DMD: variants seen among roughly 807,000 people sequenced by gnomAD.
DMD encodes the protein mutant dystrophin.
In DMD, 63 loss-of-function variants were observed where a neutral mutation model predicts 330.1. The ratio of observed to expected loss-of-function variants is 0.19; its 90% CI spans 0.16 to 0.24. The LOEUF is 0.24. DMD is among the 10% of genes least tolerant of loss of function. The pLI is 1.00. For missense variants in DMD, 3,344 were observed against 2,684.1 expected, an observed-to-expected ratio of 1.25 and a Z score of -5.43; for synonymous variants, 1,223 against 959.8, an observed-to-expected ratio of 1.27 and a Z score of -5.07.
At chrX:32,930,562 C>T (rs1010996260) in intron 2 of DMD, among the ~76,000 whole-genome samples, 2 of 110,521 alleles carry the variant, frequency 1.8e-5, no homozygotes, top group Non-Finnish European at 3.8e-5. Flanking sequence ...ACCTGCTTTT[C>T]TAGCCCTATT....
In DMD at chrX:32,842,148, T is replaced by G. The variant is rs140977326; in HGVS notation, c.264+2635A>C. Among the ~76,000 whole-genome samples, 6 of 111,901 alleles carry G rather than the reference T, an allele frequency of 5.4e-5. No homozygotes were observed. The East Asian group carries it at 1.7e-3, about 32-fold the overall frequency. On this transcript the variant is annotated intron_variant, in intron 4 of 78. Transcript: ENST00000357033. ...AAATGAGCAGGCAAGGGAGCCCCAT[T>G]GAGAAAAGAAGTCCTGAAGATGCTG...
intron 1 of DMD, among the ~76,000 whole-genome samples, chrX:33,117,058 G>A (rs2095390532): frequency 1.2e-5 from 1 of 86,505 alleles, no homozygotes; most frequent in African/African-American, 4.4e-5. Context: ...ATTTCACCAG[G>A]CCACATTATA....
chrX:32,896,575 A>T (rs1045144727), intron 2 of DMD, among the ~76,000 whole-genome samples: 4 of 111,949 alleles, frequency 3.6e-5, no homozygotes, highest in African/African-American at 1.3e-4. Context: ...CTATTTTTAA[A>T]GCAGTGGTAA....
At chrX:31,806,119 C>T (rs183139595) in intron 50 of DMD, among the ~76,000 whole-genome samples, 125 of 112,390 alleles carry the variant, frequency 1.1e-3, no homozygotes, top group South Asian at 4.4e-3. Context: ...ATTGGCAAAA[C>T]TTCGACCAAA....
At chrX:31,773,809 C>A in intron 51 of DMD, 151 bp downstream of exon 51, 8 of 288,010 alleles carry the variant, frequency 2.8e-5, no homozygotes, top group East Asian at 1.0e-4. Context: ...CTTGATTATA[C>A]TTAGGCTGAA....
chrX:31,386,858 T>C (rs773160750), intron 60 of DMD, among the ~76,000 whole-genome samples: 3 of 111,878 alleles, frequency 2.7e-5, no homozygotes, highest in Non-Finnish European at 5.6e-5. Context: ...TCTAGACACA[T>C]ATACTCAGGT....
chrX:32,258,803 A>C (rs1221227913), intron 43 of DMD, among the ~76,000 whole-genome samples: 3 of 111,273 alleles, frequency 2.7e-5, no homozygotes, highest in African/African-American at 9.8e-5. Flanking sequence ...CCCAGAACTT[A>C]AAGTATAATA....
chrX:32,727,743 A>T (rs1376677446), intron 7 of DMD, among the ~76,000 whole-genome samples: 1 of 110,828 alleles, frequency 9.0e-6, no homozygotes, highest in African/African-American at 3.3e-5. Context: ...ACACATATAC[A>T]TGTATATACA....
intron 17 of DMD, among the ~76,000 whole-genome samples, chrX:32,534,601 A>T (rs1569149349): frequency 9.0e-6 from 1 of 111,445 alleles, no homozygotes; most frequent in East Asian, 2.8e-4. Context: ...TAAGTCACTC[A>T]GTTGCAGGTA....
intron 15 of DMD, among the ~76,000 whole-genome samples, chrX:32,571,858 C>T (rs1173607690): frequency 1.8e-5 from 2 of 109,692 alleles, no homozygotes; most frequent in East Asian, 2.9e-4. Context: ...CACATCTTAA[C>T]ATTCTAATGT....
intron 44 of DMD, among the ~76,000 whole-genome samples, chrX:32,097,257 C>T (rs776286109): frequency 1.8e-5 from 2 of 110,586 alleles, no homozygotes; most frequent in Admixed American, 9.7e-5. Flanking sequence ...CCTTGCCCCC[C>T]ACCTCGCGAC....
intron 37 of DMD, among the ~76,000 whole-genome samples, chrX:32,362,438 G>A (rs1441316053): frequency 1.8e-5 from 2 of 111,222 alleles, no homozygotes; most frequent in African/African-American, 6.5e-5. Flanking sequence ...GTGTGCTTTT[G>A]GTTTTATTTA....
Position 33,269,547 on chromosome X carries a change from G to GTTGAAAT in DMD, c.7+69711_7+69712insATTTCAA, listed in dbSNP as rs1193649501. Among the ~76,000 whole-genome samples, 124 of 110,263 alleles carry GTTGAAAT rather than the reference G, an allele frequency of 1.1e-3. 1 individual carries two copies. The highest frequency in any genetic ancestry group is 4.0e-3 in the African/African-American group (121 of 30,049). ...AAATCTGCATGTGTACTCCCTGTAT[G>GTTGAAAT]TAAAATAAAAGTTGAAATTAAAAAT... On this transcript the variant is annotated intron_variant, in intron 1 of 17. Coordinates refer to the DMD transcript ENST00000288447.
At chrX:33,174,786 AT>A (rs1476177341) in intron 1 of DMD, among the ~76,000 whole-genome samples, 21 of 112,368 alleles carry the variant, frequency 1.9e-4, no homozygotes, top group African/African-American at 6.8e-4. Flanking sequence ...AGAATGCCTT[AT>A]CATGAAATTC....
At chrX:31,398,100 G>A (rs1037984339) in intron 60 of DMD, among the ~76,000 whole-genome samples, 16 of 112,252 alleles carry the variant, frequency 1.4e-4, no homozygotes, top group African/African-American at 4.9e-4. Context: ...AGGATTATAC[G>A]CTTCATCTCA....
At chrX:33,169,334 C>A (rs1239633146) in intron 1 of DMD, among the ~76,000 whole-genome samples, 1 of 111,653 alleles carries the variant, frequency 9.0e-6, no homozygotes, top group African/African-American at 3.2e-5. Context: ...TGACAGCTTA[C>A]TTCTCTTCTG....
At chrX:32,472,393 T>A in intron 21 of DMD, 84 bp from the exon 22 acceptor site, 1 of 921,802 alleles carries the variant, frequency 1.1e-6, no homozygotes, top group African/African-American at 1.9e-5. Context: ...GCAAACTCAA[T>A]TATATTACTA....
chrX:32,561,552 C>T (rs808580), intron 16 of DMD, among the ~76,000 whole-genome samples: 24,461 of 110,647 alleles, frequency 0.22, 2,090 homozygotes, highest in East Asian at 0.48. Flanking sequence ...CTGAAAGAGA[C>T]GGGGAGAACG....
intron 1 of DMD, among the ~76,000 whole-genome samples, chrX:33,062,634 G>A (rs747267063): frequency 7.2e-5 from 8 of 111,360 alleles, no homozygotes; most frequent in Middle Eastern, 4.7e-3. Flanking sequence ...GCGCCACTAC[G>A]CCTGGCTGGT....
Sources: gnomAD v4.1 joint callset for allele counts (sites outside exome capture counted in the v4.1 genomes callset) on GRCh38, gnomAD v4.1.1 for gene constraint, MANE v1.5 for transcripts, NCBI Gene and HGNC (gene_info 2026-07-23, HGNC 2026-07-21) for gene names.